The following LTBP1 variants were observed in gnomAD, a reference collection of about 807,000 sequenced individuals.
The protein encoded by LTBP1 is latent transforming growth factor beta binding protein 1.
LTBP1 carries 129 observed loss-of-function variants against 207.6 expected under a neutral mutation model. The observed-to-expected ratio is 0.62, with a 90% CI of 0.54 to 0.72. The LOEUF is 0.72. Ranked by LOEUF, LTBP1 falls within the 30% of genes least tolerant of loss-of-function variation. The pLI is 0.00. For missense variants in LTBP1, 2,281 were observed against 2,217.2 expected (o/e 1.03, Z -0.58); for synonymous variants, 963 against 833.7 (o/e 1.16, Z -2.67).
chr2:32,947,142 G>C lies in LTBP1; in HGVS notation c.-183G>C, dbSNP rs537708513. The stretch of plus-strand genomic sequence containing the variant: ...CTCCTGCTCCCAGCCACAATCGGCC[G>C]GGGTCTGGGGCCGCTCAGCTGCCCG... On this transcript the variant is annotated 5_prime_UTR_variant, in exon 1 of 34. Coordinates refer to ENST00000404816, the MANE Select transcript of LTBP1 (RefSeq NM_206943.4). The C allele has an allele frequency of 1.6e-5, 6 of 374,286 alleles. No individual in the cohort carries two copies. The highest frequency in any genetic ancestry group is 4.7e-5 in the Admixed American group (1 of 21,074). The allele number at this position is 374,286 out of a possible 1,614,324, so 23.2% of individuals were successfully genotyped here.
At chr2:32,963,408 G>A (rs764585118) in intron 2 of LTBP1, among the ~76,000 whole-genome samples, 27 of 150,738 alleles carry the variant, frequency 1.8e-4, no homozygotes, top group African/African-American at 6.1e-4. Flanking sequence ...GTGAGGTCTC[G>A]CTGTGTTGCC....
chr2:33,375,605 G>C (rs2095128193), intron 31 of LTBP1, among the ~76,000 whole-genome samples: 2 of 152,112 alleles, frequency 1.3e-5, no homozygotes, highest in South Asian at 4.1e-4. Context: ...TCGGCTCACT[G>C]CAAGCTCTGC....
At chr2:33,171,592 T>C (rs1229127356) in intron 5 of LTBP1, among the ~76,000 whole-genome samples, 11 of 151,248 alleles carry the variant, frequency 7.3e-5, no homozygotes, top group Non-Finnish European at 4.4e-5. Flanking sequence ...TGCAGGATAT[T>C]ATCCAGGAGA....
intron 3 of LTBP1, among the ~76,000 whole-genome samples, chr2:33,100,024 C>G (rs1325333571): frequency 6.6e-6 from 1 of 152,220 alleles, no homozygotes; most frequent in Non-Finnish European, 1.5e-5. Flanking sequence ...AAATCAACCA[C>G]TACAGCAATG....
intron 5 of LTBP1, among the ~76,000 whole-genome samples, chr2:33,147,245 T>C (rs922596805): frequency 2.0e-5 from 3 of 152,192 alleles, no homozygotes; most frequent in African/African-American, 7.2e-5. Context: ...ACAAATAATG[T>C]AGGCAATTGT....
chr2:33,095,633 A>G (rs2079341704), intron 3 of LTBP1, among the ~76,000 whole-genome samples: 1 of 152,178 alleles, frequency 6.6e-6, no homozygotes, highest in Non-Finnish European at 1.5e-5. Context: ...CTCTAAGATG[A>G]CTGAAGATGT....
chr2:33,353,436 G>A (rs566620209), intron 26 of LTBP1, among the ~76,000 whole-genome samples: 4 of 152,124 alleles, frequency 2.6e-5, no homozygotes, highest in African/African-American at 7.2e-5. Context: ...CAGTCTCTGC[G>A]TCTTATTCTC....
At chr2:33,365,952 G>A (rs1258921912) in intron 31 of LTBP1, among the ~76,000 whole-genome samples, 4 of 152,060 alleles carry the variant, frequency 2.6e-5, no homozygotes, top group Non-Finnish European at 4.4e-5. Flanking sequence ...TATAAGAAAC[G>A]GGTTACAACA....
At chr2:32,977,862 A>G (rs1682069389) in intron 2 of LTBP1, among the ~76,000 whole-genome samples, 1 of 152,152 alleles carries the variant, frequency 6.6e-6, no homozygotes, top group African/African-American at 2.4e-5. Flanking sequence ...TTGTAGGATC[A>G]GTGTTCAGTT....
At chr2:33,318,973 G>T (rs1026384747) in intron 24 of LTBP1, among the ~76,000 whole-genome samples, 19 of 152,076 alleles carry the variant, frequency 1.2e-4, no homozygotes, top group African/African-American at 4.3e-4. Flanking sequence ...GGTAGCTCAT[G>T]TCTATAGTCC....
chr2:33,348,920 T>C (rs796290272), intron 26 of LTBP1, among the ~76,000 whole-genome samples: 9 of 152,324 alleles, frequency 5.9e-5, no homozygotes, highest in African/African-American at 2.2e-4. Flanking sequence ...TCAATTTGTA[T>C]AGTTGATGGT....
chr2:33,009,752 G>A (rs112934505), intron 2 of LTBP1, among the ~76,000 whole-genome samples: 2,796 of 152,270 alleles, frequency 0.018, 31 homozygotes, highest in Middle Eastern at 0.027. Flanking sequence ...GAGCAACCTT[G>A]TGAATGGCCG....
Position 33,364,239 on chromosome 2 carries a change from A to C in LTBP1, c.4423A>C (p.Ser1475Arg), listed in dbSNP as rs931755220. Reference sequence around the variant, plus strand: ...AGATATGGATGAATGTCAAGACCCCAGTAGTTGTATTGATGGCCAGTGTGT... The same window carrying C: ...AGATATGGATGAATGTCAAGACCCCCGTAGTTGTATTGATGGCCAGTGTGT... Reference protein sequence around the residue: ...CFDMDECQDPSSCIDGQCVNT... With the variant: ...CFDMDECQDPRSCIDGQCVNT... The change falls in exon 30 of 34, where the codon AGT (serine) becomes CGT (arginine). Residue 1475 changes from serine (S) to arginine (R), a missense_variant. Transcript: ENST00000404816. The C allele has an allele frequency of 1.9e-6, 3 of 1,613,906 alleles. No individual in the cohort carries two copies. The South Asian group carries it at 3.3e-5, about 18-fold the overall frequency.
chr2:33,233,452 G>A (rs2091895546), intron 9 of LTBP1, among the ~76,000 whole-genome samples: 1 of 152,054 alleles, frequency 6.6e-6, no homozygotes, highest in African/African-American at 2.4e-5. Flanking sequence ...AATCCTTAAA[G>A]AATCTTGGTA....
intron 15 of LTBP1, among the ~76,000 whole-genome samples, chr2:33,270,481 T>G (rs980425350): frequency 6.7e-6 from 1 of 149,888 alleles, no homozygotes; most frequent in Non-Finnish European, 1.5e-5. Context: ...TCCCAGCTAC[T>G]TGGGAGGCTG....
intron 24 of LTBP1, 55 bp from the exon 25 acceptor site, chr2:33,342,783 G>T: frequency 6.3e-7 from 1 of 1,588,756 alleles, no homozygotes. Flanking sequence ...ATTAATATCT[G>T]GTGTTTGTCA....
Position 33,300,576 on chromosome 2 carries a change from AAG to A in LTBP1, c.3358+6_3358+7del. 2 of 1,612,194 alleles carry A rather than the reference AAG, an allele frequency of 1.2e-6. No individual in the cohort carries two copies. The highest frequency in any genetic ancestry group is 1.7e-6 in the Non-Finnish European group (2 of 1,178,806). On this transcript the variant is annotated splice_donor_5th_base_variant and intron_variant, in intron 21 of 33. Transcript: ENST00000404816. ...GGCAGCTAAAGACCAGTGTGAAGGT[AAG>A]AGGGTAGTAACATGAACTACTGAAA...
chr2:33,360,995 A>T (rs1396677546), intron 27 of LTBP1, among the ~76,000 whole-genome samples: 2 of 152,232 alleles, frequency 1.3e-5, no homozygotes, highest in African/African-American at 4.8e-5. Flanking sequence ...GTTCTTTGTG[A>T]TATTTTGGCA....
At chr2:33,372,595 C>A (rs1464702510) in intron 31 of LTBP1, among the ~76,000 whole-genome samples, 1 of 152,040 alleles carries the variant, frequency 6.6e-6, no homozygotes, top group Non-Finnish European at 1.5e-5. Context: ...GCTTAATCAC[C>A]GGGTGTGGTG....
Sources: allele counts gnomAD v4.1 joint callset (sites outside exome capture counted in the v4.1 genomes callset), GRCh38; gene constraint gnomAD v4.1.1; transcripts MANE v1.5; gene names NCBI Gene and HGNC (gene_info 2026-07-23, HGNC 2026-07-21).